CNTNAP5: variants seen among roughly 807,000 people sequenced by gnomAD.
CNTNAP5 encodes contactin associated protein family member 5.
Under a neutral mutation model 150.2 loss-of-function variants are expected in CNTNAP5, and 72 were observed. The ratio of observed to expected loss-of-function variants is 0.48; its 90% CI spans 0.40 to 0.58. CNTNAP5 has a LOEUF of 0.58. CNTNAP5 is among the 20% of genes least tolerant of loss of function. The pLI is 0.00. For missense variants in CNTNAP5, 1,636 were observed against 1,626.2 expected (o/e 1.01, Z -0.10); for synonymous variants, 672 against 619.8 (o/e 1.08, Z -1.25).
intron 13 of CNTNAP5, among the ~76,000 whole-genome samples, chr2:124,697,626 A>AG (rs1057219925): frequency 1.3e-5 from 2 of 151,830 alleles, no homozygotes; most frequent in African/African-American, 4.8e-5. Context: ...AAAAAAAAAA[A>AG]AAGCTGTACC....
intron 12 of CNTNAP5, among the ~76,000 whole-genome samples, chr2:124,640,387 T>C (rs1247273307): frequency 2.0e-5 from 3 of 152,192 alleles, no homozygotes; most frequent in Admixed American, 6.5e-5. Context: ...TGGAAGGCAG[T>C]AATGGACGGA....
At chr2:124,735,265 G>T (rs553762414) in intron 13 of CNTNAP5, among the ~76,000 whole-genome samples, 1 of 152,298 alleles carries the variant, frequency 6.6e-6, no homozygotes, top group Non-Finnish European at 1.5e-5. Flanking sequence ...GCTATACTTT[G>T]AGAGATGCTG....
At chr2:124,623,529 T>C (rs1478560291) in intron 12 of CNTNAP5, among the ~76,000 whole-genome samples, 1 of 152,244 alleles carries the variant, frequency 6.6e-6, no homozygotes, top group African/African-American at 2.4e-5. Flanking sequence ...CCTCCATCTT[T>C]ATACTTTAGT....
At chr2:124,202,994 T>C (rs1450183200) in intron 1 of CNTNAP5, among the ~76,000 whole-genome samples, 1 of 152,110 alleles carries the variant, frequency 6.6e-6, no homozygotes, top group Non-Finnish European at 1.5e-5. Context: ...AAGTCTTAAC[T>C]AATTTCAGCA....
At chr2:124,805,799 T>C (rs187222954) in intron 19 of CNTNAP5, among the ~76,000 whole-genome samples, 15 of 152,304 alleles carry the variant, frequency 9.8e-5, no homozygotes, top group Admixed American at 8.5e-4. Flanking sequence ...CCTGCCTTTG[T>C]GTTGGCCACC....
intron 1 of CNTNAP5, among the ~76,000 whole-genome samples, chr2:124,205,309 C>T (rs972898091): frequency 5.0e-4 from 76 of 152,106 alleles, no homozygotes; most frequent in African/African-American, 1.8e-3. Context: ...TTCTCTCCTG[C>T]CACCAAGTGA....
intron 1 of CNTNAP5, 79 bp from the exon 2 acceptor site, chr2:124,221,626 T>A (rs1686318704): frequency 1.1e-6 from 1 of 944,822 alleles, no homozygotes; most frequent in South Asian, 1.5e-5. Context: ...TGGTAGTTAA[T>A]TTCTCAACTT....
At chr2:124,909,413 C>T (rs1678607784) in intron 22 of CNTNAP5, among the ~76,000 whole-genome samples, 2 of 152,118 alleles carry the variant, frequency 1.3e-5, no homozygotes, top group African/African-American at 2.4e-5. Flanking sequence ...ATTGTGTGAG[C>T]ACACTCTATG....
intron 13 of CNTNAP5, among the ~76,000 whole-genome samples, chr2:124,743,566 G>A (rs1198303574): frequency 6.6e-6 from 1 of 152,114 alleles, no homozygotes; most frequent in Non-Finnish European, 1.5e-5. Context: ...ATACTTGCAG[G>A]GAGGTCATGG....
In CNTNAP5 at chr2:124,434,632, A is replaced by C; in HGVS notation, c.678A>C (p.Gly226=). The change falls in exon 5 of 24, where the codon GGA becomes GGC. Residue 226 remains glycine (G), a synonymous_variant. Transcript: ENST00000682447. ...TGTTCCATGGAGAAGGTCAGCGTGG[A>C]GACCACATCACCTTGGAACTCCAGA... ...GVLFHGEGQR[G]DHITLELQKG... is the part of the protein sequence containing the mutation. 6.2e-7 allele frequency: 1 copy of C among 1,613,844 alleles called. No individual in the cohort carries two copies. Among genetic ancestry groups the C allele is most frequent in the Non-Finnish European group, 8.5e-7 (1 of 1,179,818 alleles).
chr2:124,735,208 A>ACATGTC (rs1488191757), intron 13 of CNTNAP5, among the ~76,000 whole-genome samples: 1 of 152,134 alleles, frequency 6.6e-6, no homozygotes, highest in Admixed American at 6.6e-5. Flanking sequence ...AACAAATAAA[A>ACATGTC]CATGTCCGTA....
chr2:124,811,708 G>GGGA (rs1553445035), intron 19 of CNTNAP5, among the ~76,000 whole-genome samples: 1 of 149,610 alleles, frequency 6.7e-6, no homozygotes, highest in African/African-American at 2.5e-5. Flanking sequence ...TTAGGAGGCG[G>GGGA]GGGGGGTGGA....
At chr2:124,312,997 G>C (rs1448469360) in intron 3 of CNTNAP5, among the ~76,000 whole-genome samples, 1 of 152,200 alleles carries the variant, frequency 6.6e-6, no homozygotes, top group Non-Finnish European at 1.5e-5. Context: ...GAGCCACCAC[G>C]CCTGGCCAGT....
rs72974504 is a variant in CNTNAP5 at position 124,624,653 on chromosome 2, C to T, written c.1876+14733C>T. The stretch of plus-strand genomic sequence containing the variant: ...AAATAAATAAATCTGTTCTTGTCCT[C>T]AAGGAATTCACAGTTTGGAGAAGAT... On this transcript the variant is annotated intron_variant, in intron 12 of 23. Coordinates refer to ENST00000682447, the MANE Select transcript of CNTNAP5 (RefSeq NM_001367498.1). Among the ~76,000 whole-genome samples the T allele has an allele frequency of 7.3e-3, 1,114 of 152,242 alleles. 14 individuals are homozygous for T. Among genetic ancestry groups the T allele is most frequent in the African/African-American group, 0.025 (1,057 of 41,540 alleles).
chr2:124,305,871 G>A (rs181748318), intron 3 of CNTNAP5, among the ~76,000 whole-genome samples: 2 of 152,194 alleles, frequency 1.3e-5, no homozygotes, highest in East Asian at 1.9e-4. Flanking sequence ...TTCTTTTATA[G>A]CAATACACAA....
chr2:124,632,927 TA>T (rs1332136593), intron 12 of CNTNAP5, among the ~76,000 whole-genome samples: 5 of 151,976 alleles, frequency 3.3e-5, no homozygotes, highest in African/African-American at 1.2e-4. Context: ...AGGGAAGTGC[TA>T]TACACTTTTA....
At chr2:124,277,627 CT>C (rs1427146637) in intron 3 of CNTNAP5, among the ~76,000 whole-genome samples, 7 of 151,998 alleles carry the variant, frequency 4.6e-5, no homozygotes, top group Non-Finnish European at 8.8e-5. Context: ...GCCAATAATT[CT>C]TTTTCATTAT....
intron 3 of CNTNAP5, among the ~76,000 whole-genome samples, chr2:124,280,385 G>A (rs1687983561): frequency 6.6e-6 from 1 of 152,000 alleles, no homozygotes; most frequent in Non-Finnish European, 1.5e-5. Flanking sequence ...GGCCAGACTG[G>A]TCTCGAACTC....
chr2:124,054,283 T>A (rs189994777), intron 1 of CNTNAP5, among the ~76,000 whole-genome samples: 15 of 152,296 alleles, frequency 9.8e-5, no homozygotes, highest in Admixed American at 9.8e-4. Flanking sequence ...AGGGGAGATA[T>A]GGGCATTTGG....
Sources: gnomAD v4.1 joint callset for allele counts (sites outside exome capture counted in the v4.1 genomes callset) on GRCh38, gnomAD v4.1.1 for gene constraint, MANE v1.5 for transcripts, NCBI Gene and HGNC (gene_info 2026-07-23, HGNC 2026-07-21) for gene names.